The following PPARGC1A variants were observed in gnomAD, a reference collection of about 807,000 sequenced individuals.
The protein encoded by PPARGC1A is PPARG coactivator 1 alpha.
A neutral mutation model predicts 88.7 loss-of-function variants in PPARGC1A; 25 were observed. That is an observed-to-expected ratio of 0.28 (90% CI 0.21 to 0.39). The LOEUF (loss-of-function observed/expected upper bound fraction) is 0.39, where lower values mean the gene tolerates loss of function less well. PPARGC1A is among the 10% of genes least tolerant of loss of function. The pLI, the probability that PPARGC1A is intolerant of heterozygous loss-of-function variation, is 1.00. For missense variants in PPARGC1A, 880 were observed against 968.7 expected, an observed-to-expected ratio of 0.91 and a Z score of 1.22; for synonymous variants, 363 against 355.6, an observed-to-expected ratio of 1.02 and a Z score of -0.24.
At position 23,889,979 on chromosome 4, in the gene PPARGC1A, T is replaced by A. The variant is rs375213550; in HGVS notation, c.-22A>T. 4 of 1,613,314 alleles carry A rather than the reference T, an allele frequency of 2.5e-6. No homozygotes were observed. The highest frequency in any genetic ancestry group is 1.3e-5 in the African/African-American group (1 of 74,870). Reference sequence around the variant, plus strand: ...CCATCCAGCTCCTGAATGACGCCAGTCAAGCTTTTTCAACTCCAATCCACA... The same window carrying A: ...CCATCCAGCTCCTGAATGACGCCAGACAAGCTTTTTCAACTCCAATCCACA... On this transcript the variant is annotated 5_prime_UTR_variant, in exon 1 of 13. An upstream open reading frame in the 5' UTR loses its in-frame stop. Transcript: ENST00000264867.
the PPARGC1A span, among the ~76,000 whole-genome samples, chr4:24,396,068 C>T: frequency 5.9e-5 from 9 of 152,236 alleles, no homozygotes; most frequent in African/African-American, 2.2e-4. Context: ...CCGAGAGACT[C>T]AACCTGTTAC....
At chr4:24,304,527 G>A in the PPARGC1A span, among the ~76,000 whole-genome samples, 5 of 152,256 alleles carry the variant, frequency 3.3e-5, no homozygotes, top group East Asian at 3.9e-4. Flanking sequence ...TGACCAACTC[G>A]CACAGCAAAT....
chr4:24,097,671 A>G, the PPARGC1A span, among the ~76,000 whole-genome samples: 4 of 152,324 alleles, frequency 2.6e-5, no homozygotes, highest in South Asian at 8.3e-4. Flanking sequence ...ATAGATCCAA[A>G]AACATTTCTG....
chr4:24,135,749 T>C, the PPARGC1A span, among the ~76,000 whole-genome samples: 2 of 152,182 alleles, frequency 1.3e-5, no homozygotes, highest in Non-Finnish European at 2.9e-5. Flanking sequence ...CTGCTACTGC[T>C]CCAGCAAATT....
Position 23,802,354 on chromosome 4 carries a change from G to A in PPARGC1A, c.2020-9C>T, listed in dbSNP as rs1337491641. On this transcript the variant is annotated splice_polypyrimidine_tract_variant and intron_variant, in intron 10 of 12. Transcript: ENST00000264867. ...ATCACACGGCGCTCTTCCTATGGGG[G>A]GAAGGAAGGAGAGAGTTCTGGAGTG... The A allele has an allele frequency of 6.8e-6, 11 of 1,613,834 alleles. No homozygotes were observed. The highest frequency in any genetic ancestry group is 1.1e-5 in the South Asian group (1 of 91,074).
intron 2 of PPARGC1A, among the ~76,000 whole-genome samples, chr4:23,860,477 A>G (rs1467895404): frequency 1.3e-5 from 2 of 152,190 alleles, no homozygotes; most frequent in Non-Finnish European, 2.9e-5. Flanking sequence ...CTACAAAAAA[A>G]AGTAACTATG....
the PPARGC1A span, among the ~76,000 whole-genome samples, chr4:24,326,850 G>C: frequency 2.0e-5 from 3 of 152,078 alleles, no homozygotes; most frequent in African/African-American, 7.2e-5. Flanking sequence ...TCATGTCTGC[G>C]TGCAGCGGCT....
the PPARGC1A span, among the ~76,000 whole-genome samples, chr4:24,162,224 G>C: frequency 6.6e-6 from 1 of 152,042 alleles, no homozygotes; most frequent in Non-Finnish European, 1.5e-5. Flanking sequence ...GGAAAGGGTG[G>C]GAAGGGAGTG....
At chr4:24,050,164 A>C in the PPARGC1A span, among the ~76,000 whole-genome samples, 1 of 145,404 alleles carries the variant, frequency 6.9e-6, no homozygotes, top group Non-Finnish European at 1.5e-5. Context: ...TAGTGGCTAG[A>C]GTATTCCTTT....
At chr4:23,946,375 G>A in the PPARGC1A span, among the ~76,000 whole-genome samples, 10 of 152,060 alleles carry the variant, frequency 6.6e-5, no homozygotes, top group Non-Finnish European at 1.3e-4. Flanking sequence ...ACTTCTTGTC[G>A]ACATCAAGCA....
the PPARGC1A span, among the ~76,000 whole-genome samples, chr4:24,325,692 G>A: frequency 2.6e-5 from 4 of 152,164 alleles, no homozygotes; most frequent in African/African-American, 4.8e-5. Context: ...CTGCCCGATC[G>A]CCTCGGAAGC....
At chr4:23,913,900 C>G in the PPARGC1A span, among the ~76,000 whole-genome samples, 4 of 152,206 alleles carry the variant, frequency 2.6e-5, no homozygotes, top group Admixed American at 2.6e-4. Context: ...CCACATTCTA[C>G]AGGCTGCACC....
the PPARGC1A span, among the ~76,000 whole-genome samples, chr4:24,278,053 T>C: frequency 6.6e-6 from 1 of 152,006 alleles, no homozygotes; most frequent in South Asian, 2.1e-4. Flanking sequence ...CTCATGCTTG[T>C]AGTCCCAGCT....
chr4:23,966,243 G>A, the PPARGC1A span, among the ~76,000 whole-genome samples: 1 of 152,140 alleles, frequency 6.6e-6, no homozygotes, highest in Admixed American at 6.5e-5. Flanking sequence ...CCTCGGAGAG[G>A]TCATTTCTCC....
intron 2 of PPARGC1A, among the ~76,000 whole-genome samples, chr4:23,849,696 T>C (rs1200962031): frequency 6.6e-6 from 1 of 152,194 alleles, no homozygotes; most frequent in Non-Finnish European, 1.5e-5. Context: ...TGGATAATAT[T>C]TTTAAAAAGA....
chr4:23,891,440 T>C (rs1456463107), upstream of PPARGC1A, among the ~76,000 whole-genome samples: 1 of 152,246 alleles, frequency 6.6e-6, no homozygotes, highest in Non-Finnish European at 1.5e-5. Context: ...CTGTTCTTCA[T>C]TGTCCATCTC....
intron 5 of PPARGC1A, among the ~76,000 whole-genome samples, chr4:23,826,171 G>A (rs1723889702): frequency 6.6e-6 from 1 of 152,110 alleles, no homozygotes; most frequent in Non-Finnish European, 1.5e-5. Flanking sequence ...CATAGTTAAT[G>A]AGACCAAAGG....
chr4:24,120,887 T>C, the PPARGC1A span, among the ~76,000 whole-genome samples: 2 of 152,174 alleles, frequency 1.3e-5, no homozygotes, highest in Non-Finnish European at 2.9e-5. Flanking sequence ...ATTTCTGTCG[T>C]TTATAAGCTG....
At chr4:23,964,453 T>C in the PPARGC1A span, among the ~76,000 whole-genome samples, 1 of 152,180 alleles carries the variant, frequency 6.6e-6, no homozygotes, top group East Asian at 1.9e-4. Context: ...CTAGGGTTTT[T>C]CCTGATAATC....
Sources: gnomAD v4.1 joint callset for allele counts (sites outside exome capture counted in the v4.1 genomes callset) on GRCh38, gnomAD v4.1.1 for gene constraint, MANE v1.5 for transcripts, NCBI Gene and HGNC (gene_info 2026-07-23, HGNC 2026-07-21) for gene names.